PDAP1: variants seen among roughly 807,000 people sequenced by gnomAD.
PDAP1 encodes the protein PDGFA associated protein 1, also known as 28 kDa heat- and acid-stable phosphoprotein.
In PDAP1, 13 loss-of-function variants were observed where a neutral mutation model predicts 28.0. That is an observed-to-expected ratio of 0.46 (90% confidence interval 0.30 to 0.74). PDAP1 has a LOEUF of 0.74. Among genes scored for constraint, PDAP1 ranks in the 30% least tolerant of loss-of-function variants. PDAP1 has a pLI of 0.07. For missense variants in PDAP1, 150 were observed against 230.0 expected (o/e 0.65, Z 2.25); for synonymous variants, 77 against 85.1 (o/e 0.91, Z 0.52).
intron 5 of PDAP1, among the ~76,000 whole-genome samples, chr7:99,397,071 A>C (rs1794782590): frequency 6.6e-6 from 1 of 152,144 alleles, no homozygotes; most frequent in East Asian, 1.9e-4. Context: ...ACGGGTTCTG[A>C]AGTCTAAAAT....
chr7:99,401,151 C>G (rs905595783), intron 3 of PDAP1, among the ~76,000 whole-genome samples: 4 of 152,184 alleles, frequency 2.6e-5, no homozygotes, highest in African/African-American at 4.8e-5. Context: ...CACTCAGATG[C>G]CTGGCACTGT....
chr7:99,406,227 C>T (rs1262423112), intron 1 of PDAP1, among the ~76,000 whole-genome samples: 2 of 151,952 alleles, frequency 1.3e-5, no homozygotes, highest in Non-Finnish European at 2.9e-5. Flanking sequence ...CAGCCTGGGC[C>T]ACAGAGCGAG....
At chr7:99,405,765 A>G (rs1794960427) in intron 1 of PDAP1, among the ~76,000 whole-genome samples, 1 of 152,134 alleles carries the variant, frequency 6.6e-6, no homozygotes, top group African/African-American at 2.4e-5. Flanking sequence ...ACTGCGAAAC[A>G]CCACGAAGTT....
rs775588012 is a variant in PDAP1, at chr7:99,398,032, G to A, written c.336-19C>T. 5.0e-6 allele frequency: 8 copies of A among 1,613,418 alleles called. No homozygotes were observed. The highest frequency in any genetic ancestry group is 6.8e-6 in the Non-Finnish European group (8 of 1,179,478). On this transcript the variant is annotated intron_variant, in intron 4 of 5. Transcript: ENST00000350498. ...CTCTTCTCTGTGTGGATAAAATGGTGTCATGGGGACATCTTTCCTACCACT... is the reference window on the plus strand; with the variant it reads ...CTCTTCTCTGTGTGGATAAAATGGTATCATGGGGACATCTTTCCTACCACT...
Position 99,402,573 on chromosome 7 carries a change from CAAAAAAAAAAAAAA to C in PDAP1, c.213+811_213+824del, listed in dbSNP as rs58448407. Among the ~76,000 whole-genome samples, 7 of 56,680 alleles carry C rather than the reference CAAAAAAAAAAAAAA, an allele frequency of 1.2e-4. No homozygotes were observed. The Admixed American group carries it at 1.3e-3, about 10-fold the overall frequency. 37.2% of individuals were successfully genotyped at this position (56,680 alleles called of 152,430 possible). On this transcript the variant is annotated intron_variant, in intron 3 of 5. Coordinates refer to ENST00000350498, the MANE Select transcript of PDAP1 (RefSeq NM_014891.7). ...TGGGTGACAGAACGAGACCCTGTCT[CAAAAAAAAAAAAAA>C]AAAAAAAAAAAGGGGGCTGGGCTAG...
In PDAP1 at chr7:99,394,699, A is replaced by G. The variant is rs909061871; in HGVS notation, c.*1983T>C. ...TTTTCTTAAATGCTTTCATTTATTG[A>G]AAAAAAAAAAAAATGCCCCCAAAGC... is the stretch of plus-strand genomic sequence containing the variant. On this transcript the variant is annotated 3_prime_UTR_variant, in exon 6 of 6. Transcript: ENST00000350498. 23 of 174,976 alleles carry G rather than the reference A, an allele frequency of 1.3e-4. No individual in the cohort carries two copies. The highest frequency in any genetic ancestry group is 1.8e-3 in the Middle Eastern group (1 of 544). 10.8% of individuals were successfully genotyped at this position (174,976 alleles called of 1,614,324 possible).
intron 4 of PDAP1, among the ~76,000 whole-genome samples, chr7:99,399,795 A>G (rs1794829474): frequency 6.6e-6 from 1 of 152,246 alleles, no homozygotes; most frequent in Admixed American, 6.5e-5. Context: ...GCACTTCAGT[A>G]CATGATCTTG....
intron 3 of PDAP1, among the ~76,000 whole-genome samples, chr7:99,403,144 TCA>T (rs1049895936): frequency 5.3e-5 from 8 of 152,212 alleles, no homozygotes; most frequent in African/African-American, 1.9e-4. Context: ...TTTTCAGATC[TCA>T]GTTTATAAGT....
At chr7:99,401,350 CAG>C (rs72264263) in intron 3 of PDAP1, among the ~76,000 whole-genome samples, 11,260 of 152,198 alleles carry the variant, frequency 0.074, 602 homozygotes, top group African/African-American at 0.15. Context: ...TCTTTTGAGA[CAG>C]AGTTTCCCTC....
At chr7:99,399,470 A>G (rs74774820) in intron 4 of PDAP1, among the ~76,000 whole-genome samples, 1 of 152,188 alleles carries the variant, frequency 6.6e-6, no homozygotes, top group African/African-American at 2.4e-5. Context: ...ATGCCCAGAA[A>G]GGCACAGCCT....
At chr7:99,400,522 A>T in intron 3 of PDAP1, 98 bp from the exon 4 acceptor site, 1 of 1,406,236 alleles carries the variant, frequency 7.1e-7, no homozygotes, top group South Asian at 1.2e-5. Context: ...GGATGAGGAC[A>T]AACTCCTGCT....
chr7:99,404,300 G>A (rs146231079), intron 2 of PDAP1, among the ~76,000 whole-genome samples: 42 of 152,292 alleles, frequency 2.8e-4, no homozygotes, highest in African/African-American at 9.9e-4. Flanking sequence ...AGATGCTGAC[G>A]ATGGGAATGT....
rs1794809586 is a variant in PDAP1, at chr7:99,398,729, TGAA to T, written c.336-719_336-717del. 2.6e-5 allele frequency among the ~76,000 whole-genome samples: 4 copies of T among 151,702 alleles called. No homozygotes were observed. The South Asian group carries it at 8.3e-4, about 32-fold the overall frequency. ...TAAAAAATACAAACAAAAAAAGGAA[TGAA>T]GAAGTGGAGGAAGCAGCCACAGGGC... On this transcript the variant is annotated intron_variant, in intron 4 of 5. Coordinates refer to ENST00000350498, the MANE Select transcript of PDAP1 (RefSeq NM_014891.7).
intron 2 of PDAP1, among the ~76,000 whole-genome samples, chr7:99,403,966 G>A (rs1236356230): frequency 1.3e-5 from 2 of 151,998 alleles, no homozygotes; most frequent in Non-Finnish European, 2.9e-5. Context: ...TCATCCCCCC[G>A]ACCCACCCAC....
In PDAP1 at chr7:99,404,495, T is replaced by C. The variant is rs1165107308; in HGVS notation, c.105+367A>G. Among the ~76,000 whole-genome samples the C allele has an allele frequency of 2.0e-5, 3 of 151,976 alleles. No individual in the cohort carries two copies. The East Asian group carries it at 5.8e-4, about 29-fold the overall frequency. On this transcript the variant is annotated intron_variant, in intron 2 of 5. Coordinates refer to ENST00000350498, the MANE Select transcript of PDAP1 (RefSeq NM_014891.7). ...AAGGCAGGGCATATGTCATGTGCAG[T>C]GTGGCAAATCATCCTGTGTGGCTGC... is the stretch of plus-strand genomic sequence containing the variant.
At chr7:99,408,508 C>T in intron 1 of PDAP1, 28 bp downstream of exon 1, 1 of 1,330,050 alleles carries the variant, frequency 7.5e-7, no homozygotes, top group Non-Finnish European at 9.6e-7. Context: ...CCCTCCAGGC[C>T]TGCGGGCCAC....
intron 1 of PDAP1, among the ~76,000 whole-genome samples, chr7:99,405,995 T>C (rs1794964179): frequency 1.3e-5 from 2 of 152,148 alleles, no homozygotes; most frequent in African/African-American, 2.4e-5. Context: ...CTGATGCCTG[T>C]AATCCCAGCA....
intron 3 of PDAP1, among the ~76,000 whole-genome samples, chr7:99,401,878 G>C (rs1794873986): frequency 6.6e-6 from 1 of 151,730 alleles, no homozygotes; most frequent in Admixed American, 6.6e-5. Flanking sequence ...TGTATTTTTA[G>C]TAGAGACGGG....
rs545629641 is a variant in PDAP1 at position 99,404,767 on chromosome 7, T to G, written c.105+95A>C. 3.2e-6 allele frequency: 3 copies of G among 930,036 alleles called. No homozygotes were observed. The South Asian group carries it at 4.4e-5, about 14-fold the overall frequency. 57.6% of individuals were successfully genotyped at this position (930,036 alleles called of 1,614,324 possible). On this transcript the variant is annotated intron_variant, in intron 2 of 5. Coordinates refer to ENST00000350498, the MANE Select transcript of PDAP1 (RefSeq NM_014891.7). ...CGACCCCCACGTGCTGGCTTGTCCC[T>G]GCGAATGGGTAGTCCTTGCCTGGCC...
Sources: gnomAD v4.1 joint callset for allele counts (sites outside exome capture counted in the v4.1 genomes callset) on GRCh38, gnomAD v4.1.1 for gene constraint, MANE v1.5 for transcripts, NCBI Gene and HGNC (gene_info 2026-07-23, HGNC 2026-07-21) for gene names.